The following SHKBP1 variants were observed in gnomAD, a reference collection of about 807,000 sequenced individuals.
The protein encoded by SHKBP1 is SH3KBP1-binding protein 1.
SHKBP1 carries 71 observed loss-of-function variants against 83.9 expected under a neutral mutation model. The ratio of observed to expected loss-of-function variants is 0.85; its 90% CI spans 0.70 to 1.03. The LOEUF (loss-of-function observed/expected upper bound fraction) is 1.03. SHKBP1 is among the 50% of genes least tolerant of loss of function. The probability of loss-of-function intolerance (pLI) is 0.00; values close to 1 mark genes in which losing one functional copy is unlikely to be tolerated. For synonymous variants in SHKBP1, 371 were observed against 398.0 expected, an observed-to-expected ratio of 0.93 and a Z score of 0.81; for missense variants, 824 against 982.4, an observed-to-expected ratio of 0.84 and a Z score of 2.16.
At chr19:40,580,718 G>C (rs769946621) in intron 8 of SHKBP1, 28 bp from the exon 9 acceptor site, 1 of 1,613,630 alleles carries the variant, frequency 6.2e-7, no homozygotes, top group Non-Finnish European at 8.5e-7. Flanking sequence ...ATGCGGTGAG[G>C]GTTGGTGATG....
rs754150180 is a variant in SHKBP1 at position 40,590,934 on chromosome 19, C to G, written c.1893-42C>G. ...TGTTCCCGGGGACAGAGTGGCCCAG[C>G]TGCCCCGTGATGACGTGCACTTACT... is the stretch of plus-strand genomic sequence containing the variant. On this transcript the variant is annotated intron_variant, in intron 17 of 17. Transcript: ENST00000291842. The surrounding 1 kb of genome is among the most constrained non-coding windows in gnomAD (Gnocchi z 4.6). The G allele has an allele frequency of 6.4e-7, 1 of 1,574,356 alleles. No individual in the cohort carries two copies. The highest frequency in any genetic ancestry group is 1.2e-5 in the South Asian group (1 of 86,912).
rs533445921 is a variant in SHKBP1, at chr19:40,588,815, C to T, written c.1492+36C>T. 20 of 1,606,436 alleles carry T rather than the reference C, an allele frequency of 1.2e-5. No homozygotes were observed. The African/African-American group carries it at 1.9e-4, about 15-fold the overall frequency. On this transcript the variant is annotated intron_variant, in intron 14 of 17. Transcript: ENST00000291842. Reference sequence around the variant, plus strand: ...GCTCCTGGCCTTCCCACCCCACTGACCCCCTTACCTGACCCCTGTTGACCT... The same window carrying T: ...GCTCCTGGCCTTCCCACCCCACTGATCCCCTTACCTGACCCCTGTTGACCT...
chr19:40,588,633 A>G lies in SHKBP1; in HGVS notation c.1346A>G (p.Asp449Gly). The change falls in exon 14 of 18, where the codon GAC becomes GGC. Residue 449 changes from aspartate (D) to glycine (G), a missense_variant. Transcript: ENST00000291842. ...SEKHLISVCA[D>G]NNHVRTWSVT... ...TCCTTGTGCCCCTCAGTCTGTGCCG[A>G]CAACAACCACGTGCGGACATGGTCT... 6.2e-7 allele frequency: 1 copy of G among 1,614,148 alleles called. No homozygotes were observed. Among genetic ancestry groups the G allele is most frequent in the Non-Finnish European group, 8.5e-7 (1 of 1,180,020 alleles).
chr19:40,578,630 G>GTGCGTCC (rs1568387985), intron 6 of SHKBP1, 88 bp downstream of exon 6: 4 of 1,210,758 alleles, frequency 3.3e-6, no homozygotes, highest in Non-Finnish European at 4.9e-6. Context: ...TGCCTGTGCT[G>GTGCGTCC]TGCGTCCTGA....
chr19:40,583,342 C>A, intron 10 of SHKBP1, 56 bp from the exon 11 acceptor site: 1 of 1,440,596 alleles, frequency 6.9e-7, no homozygotes, highest in Non-Finnish European at 9.4e-7. Context: ...GGGGTCACCA[C>A]GGAAGGAAAG....
rs368848063 is a variant in SHKBP1, at chr19:40,583,847, A to AT, written c.1165+139dup. On this transcript the variant is annotated intron_variant, in intron 12 of 17. Coordinates refer to ENST00000291842, the MANE Select transcript of SHKBP1 (RefSeq NM_138392.4). ...GGGGCGGCAGATTCAACTCTCTCTC[A>AT]TTTTTTTTTCTGAGACAGACTCTCA... The AT allele has an allele frequency of 1.6e-3, 1,050 of 657,248 alleles. 1 individual carries two copies. Among genetic ancestry groups the AT allele is most frequent in the East Asian group, 1.9e-3 (66 of 35,248 alleles). The allele number at this position is 657,248 out of a possible 1,614,324, so 40.7% of individuals were successfully genotyped here. A position where few individuals can be genotyped will look rare whatever the true frequency, so the allele number is the denominator to read the frequency against.
intron 10 of SHKBP1, among the ~76,000 whole-genome samples, chr19:40,583,050 C>G (rs1009994567): frequency 4.7e-5 from 7 of 148,996 alleles, no homozygotes; most frequent in Non-Finnish European, 4.5e-5. Context: ...GACTCCCGCC[C>G]GTAATCCCAG....
intron 12 of SHKBP1, among the ~76,000 whole-genome samples, chr19:40,585,333 C>T (rs574699764): frequency 1.3e-5 from 2 of 152,196 alleles, no homozygotes; most frequent in Non-Finnish European, 2.9e-5. Flanking sequence ...TCTTGAACTC[C>T]TGGGCTCAAG....
intron 15 of SHKBP1, 34 bp downstream of exon 15, chr19:40,589,212 C>T (rs1448820675): frequency 6.7e-7 from 1 of 1,483,192 alleles, no homozygotes; most frequent in Non-Finnish European, 9.3e-7. Flanking sequence ...GGAGGGAGGA[C>T]AGTCCTGTCC....
chr19:40,583,046 C>T (rs1461053078), intron 10 of SHKBP1, among the ~76,000 whole-genome samples: 1 of 151,980 alleles, frequency 6.6e-6, no homozygotes, highest in Non-Finnish European at 1.5e-5. Context: ...CAGTGACTCC[C>T]GCCCGTAATC....
At chr19:40,577,128 C>G in intron 1 of SHKBP1, 103 bp from the exon 2 acceptor site, 1 of 1,469,970 alleles carries the variant, frequency 6.8e-7, no homozygotes, top group East Asian at 2.3e-5. Context: ...GGAAAAACGC[C>G]GGGGGAGGGG....
chr19:40,578,294 C>G, intron 5 of SHKBP1, 82 bp downstream of exon 5: 2 of 1,517,890 alleles, frequency 1.3e-6, no homozygotes, highest in Non-Finnish European at 1.8e-6. Flanking sequence ...CCCCTTCTCT[C>G]CTGAAAGAGG....
At chr19:40,588,941 C>A in intron 14 of SHKBP1, 141 bp from the exon 15 acceptor site, 4 of 1,261,304 alleles carry the variant, frequency 3.2e-6, no homozygotes, top group Non-Finnish European at 4.4e-6. Context: ...CACAACCCCC[C>A]AGCCCTCTCT....
chr19:40,580,014 C>T (rs940786036), intron 6 of SHKBP1, among the ~76,000 whole-genome samples: 1 of 119,050 alleles, frequency 8.4e-6, no homozygotes, highest in African/African-American at 3.3e-5. Context: ...GCCTGTGCAA[C>T]GAGCGAAACT....
chr19:40,577,663 CTG>C, intron 4 of SHKBP1, 33 bp downstream of exon 4: 1 of 1,608,426 alleles, frequency 6.2e-7, no homozygotes. Flanking sequence ...GAGTCCCTCA[CTG>C]TCTTCAGTCC....
chr19:40,580,281 A>G, intron 6 of SHKBP1, 43 bp from the exon 7 acceptor site: 1 of 1,582,740 alleles, frequency 6.3e-7, no homozygotes, highest in Middle Eastern at 1.7e-4. Flanking sequence ...TGTGACAGCC[A>G]CGATTACAAT....
At chr19:40,580,537 C>T in intron 7 of SHKBP1, 29 bp from the exon 8 acceptor site, 1 of 1,614,126 alleles carries the variant, frequency 6.2e-7, no homozygotes, top group Non-Finnish European at 8.5e-7. Flanking sequence ...CCCTGTGACC[C>T]TCTTCTGATC....
At chr19:40,587,017 AT>A in intron 13 of SHKBP1, 73 bp downstream of exon 13, 1 of 1,381,058 alleles carries the variant, frequency 7.2e-7, no homozygotes, top group Non-Finnish European at 9.9e-7. Context: ...GAGGATGAGA[AT>A]TTCCACTGGG....
At chr19:40,582,310 A>G in intron 9 of SHKBP1, 41 bp from the exon 10 acceptor site, 1 of 1,528,518 alleles carries the variant, frequency 6.5e-7, no homozygotes, top group South Asian at 1.1e-5. Context: ...CTCCTCCTCC[A>G]TGAGGCAGGG....
Sources: gnomAD v4.1 joint callset for allele counts (sites outside exome capture counted in the v4.1 genomes callset) on GRCh38, gnomAD v4.1.1 for gene constraint, Gnocchi (gnomAD v3.1) non-coding constraint, MANE v1.5 for transcripts, NCBI Gene and HGNC (gene_info 2026-07-23, HGNC 2026-07-21) for gene names.